The following THSD7B variants were observed in gnomAD, a reference collection of about 807,000 sequenced individuals.
THSD7B encodes thrombospondin type 1 domain containing 7B.
A neutral mutation model predicts 213.6 loss-of-function variants in THSD7B; 138 were observed. The ratio of observed to expected loss-of-function variants is 0.65; its 90% CI spans 0.56 to 0.74. The LOEUF (loss-of-function observed/expected upper bound fraction) is 0.74, where lower values mean the gene tolerates loss of function less well. Among genes scored for constraint, THSD7B ranks in the 30% least tolerant of loss-of-function variants. The pLI is 0.00. For synonymous variants in THSD7B, 742 were observed against 687.0 expected, an observed-to-expected ratio of 1.08 and a Z score of -1.25; for missense variants, 1,931 against 1,991.5, an observed-to-expected ratio of 0.97 and a Z score of 0.58.
At chr2:137,277,765 T>C (rs541328975) in intron 12 of THSD7B, among the ~76,000 whole-genome samples, 1 of 152,168 alleles carries the variant, frequency 6.6e-6, no homozygotes, top group African/African-American at 2.4e-5. Flanking sequence ...AATAAAATGG[T>C]ATATCCTGGA....
chr2:137,224,954 ATTAT>A (rs1315099096), intron 7 of THSD7B, among the ~76,000 whole-genome samples: 11 of 152,122 alleles, frequency 7.2e-5, no homozygotes, highest in Admixed American at 2.0e-4. Context: ...TATTATTGCT[ATTAT>A]TTCTTATCTA....
chr2:136,863,118 G>A (rs1002327343), intron 1 of THSD7B, among the ~76,000 whole-genome samples: 5 of 152,136 alleles, frequency 3.3e-5, no homozygotes, highest in African/African-American at 1.2e-4. Flanking sequence ...TTCTAATAGT[G>A]CCTAGAATAC....
At chr2:137,619,748 C>T (rs534638132) in intron 19 of THSD7B, among the ~76,000 whole-genome samples, 2 of 152,128 alleles carry the variant, frequency 1.3e-5, no homozygotes, top group South Asian at 4.2e-4. Context: ...TAAAAAATAC[C>T]AGTTTAAAGC....
intron 1 of THSD7B, among the ~76,000 whole-genome samples, chr2:136,818,756 G>A (rs1292094009): frequency 1.3e-5 from 2 of 152,084 alleles, no homozygotes; most frequent in African/African-American, 4.8e-5. Context: ...ATAATAAAAT[G>A]TCACTGATTC....
At chr2:137,429,497 G>C (rs1312954666) in intron 14 of THSD7B, among the ~76,000 whole-genome samples, 2 of 152,036 alleles carry the variant, frequency 1.3e-5, no homozygotes, top group Non-Finnish European at 2.9e-5. Context: ...TAAAATATTG[G>C]CACTATGAAT....
chr2:137,487,396 A>AAAAAAAAAAAAC lies in THSD7B; in HGVS notation c.3138+36376_3138+36377insAAAAAAAACAAA, dbSNP rs757398774. Among the ~76,000 whole-genome samples, 181 of 120,952 alleles carry AAAAAAAAAAAAC rather than the reference A, an allele frequency of 1.5e-3. 6 individuals are homozygous for AAAAAAAAAAAAC. Among genetic ancestry groups the AAAAAAAAAAAAC allele is most frequent in the South Asian group, 3.8e-3 (14 of 3,686 alleles). 79.3% of individuals were successfully genotyped at this position (120,952 alleles called of 152,430 possible). The stretch of plus-strand genomic sequence containing the variant: ...TCTCAAAAAAAAAAAAAAAAAAAAA[A>AAAAAAAAAAAAC]AAAGAACTAGAAAAGCAAGAGCAAA... On this transcript the variant is annotated intron_variant, in intron 15 of 27. Transcript: ENST00000409968.
chr2:136,939,124 C>T (rs151038624), intron 2 of THSD7B, among the ~76,000 whole-genome samples: 3 of 152,226 alleles, frequency 2.0e-5, no homozygotes, highest in Non-Finnish European at 2.9e-5. Context: ...ATAAGAACGA[C>T]TTTTCCATCC....
At chr2:137,556,459 G>A (rs1680970236) in intron 15 of THSD7B, among the ~76,000 whole-genome samples, 1 of 152,102 alleles carries the variant, frequency 6.6e-6, no homozygotes, top group African/African-American at 2.4e-5. Flanking sequence ...CTAAGTGAAG[G>A]AGAAATAAAA....
In THSD7B at chr2:136,936,477, A is replaced by C. The variant is rs139940026; in HGVS notation, c.139+54160A>C. 5.7e-4 allele frequency among the ~76,000 whole-genome samples: 87 copies of C among 152,328 alleles called. 1 individual carries two copies. The East Asian group carries it at 0.016, about 28-fold the overall frequency. On this transcript the variant is annotated intron_variant, in intron 2 of 27. Coordinates refer to ENST00000409968, the MANE Select transcript of THSD7B (RefSeq NM_001316349.2). ...AACTGTGGTATGTGTATATGATGGA[A>C]TACTACTCAGCCATAAAAAGGAATG...
At chr2:137,662,656 C>A (rs1683372858) in intron 25 of THSD7B, among the ~76,000 whole-genome samples, 1 of 152,140 alleles carries the variant, frequency 6.6e-6, no homozygotes. Context: ...TGTTGCTTTG[C>A]TTCTCAGTAA....
chr2:137,404,430 GATATATATATATATATAT>G (rs59001356), intron 12 of THSD7B, among the ~76,000 whole-genome samples: 20 of 49,314 alleles, frequency 4.1e-4, no homozygotes, highest in Admixed American at 1.0e-3. Flanking sequence ...GAAACTCTGA[GATATATATATATATATAT>G]ATATATATAT....
intron 2 of THSD7B, among the ~76,000 whole-genome samples, chr2:136,973,725 G>T (rs2217415): frequency 0.36 from 55,221 of 151,978 alleles, 13,150 homozygotes; most frequent in Non-Finnish European, 0.53. Context: ...TCTTGCATTT[G>T]GTGTTTTGCA....
At chr2:136,873,366 T>C (rs947628704) in intron 1 of THSD7B, among the ~76,000 whole-genome samples, 19 of 152,202 alleles carry the variant, frequency 1.2e-4, no homozygotes, top group Non-Finnish European at 4.4e-5. Context: ...CAGAGTGTCA[T>C]GCTGAGGTCT....
intron 12 of THSD7B, among the ~76,000 whole-genome samples, chr2:137,318,636 C>A (rs1039487026): frequency 6.6e-6 from 1 of 152,114 alleles, no homozygotes. Flanking sequence ...TTTCTCTACT[C>A]CTTCCTAGCA....
chr2:137,371,086 A>G (rs967630907), intron 12 of THSD7B, among the ~76,000 whole-genome samples: 4 of 152,148 alleles, frequency 2.6e-5, no homozygotes, highest in African/African-American at 9.7e-5. Flanking sequence ...CATCAGTGAC[A>G]TATTTCTGTA....
At chr2:137,406,943 G>A (rs1472401823) in intron 13 of THSD7B, among the ~76,000 whole-genome samples, 1 of 152,180 alleles carries the variant, frequency 6.6e-6, no homozygotes, top group Non-Finnish European at 1.5e-5. Context: ...TTGAAGTTCA[G>A]GGGCCAATGA....
At chr2:136,971,251 A>G (rs1328278988) in intron 2 of THSD7B, among the ~76,000 whole-genome samples, 1 of 152,160 alleles carries the variant, frequency 6.6e-6, no homozygotes, top group Non-Finnish European at 1.5e-5. Context: ...AAATGCATTG[A>G]TAGGTCATTA....
intron 15 of THSD7B, among the ~76,000 whole-genome samples, chr2:137,532,913 A>G (rs1680426285): frequency 6.6e-6 from 1 of 151,422 alleles, no homozygotes; most frequent in Non-Finnish European, 1.5e-5. Context: ...ATGTATACAT[A>G]TATGCATAGA....
chr2:137,464,946 G>A (rs918145974), intron 15 of THSD7B, among the ~76,000 whole-genome samples: 2 of 151,948 alleles, frequency 1.3e-5, no homozygotes, highest in African/African-American at 4.8e-5. Flanking sequence ...ATCTTATGTG[G>A]TCTCTCCTGA....
Sources: allele counts gnomAD v4.1 joint callset (sites outside exome capture counted in the v4.1 genomes callset), GRCh38; gene constraint gnomAD v4.1.1; transcripts MANE v1.5; gene names NCBI Gene and HGNC (gene_info 2026-07-23, HGNC 2026-07-21).